Variants in TGIF2 observed in about 807,000 individuals in gnomAD.
TGIF2 encodes homeobox protein TGIF2.
In TGIF2, 5 loss-of-function variants were observed where a neutral mutation model predicts 15.1. That is an observed-to-expected ratio of 0.33 (90% confidence interval 0.17 to 0.70). The LOEUF is 0.70. TGIF2 is among the 30% of genes least tolerant of loss of function. The pLI is 0.67. For missense variants in TGIF2, 264 were observed against 302.5 expected (o/e 0.87, Z 0.94); for synonymous variants, 131 against 128.9 (o/e 1.02, Z -0.11).
intron 2 of TGIF2, among the ~76,000 whole-genome samples, chr20:36,579,337 A>C (rs2038497687): frequency 6.6e-6 from 1 of 151,454 alleles, no homozygotes; most frequent in African/African-American, 2.4e-5. Flanking sequence ...ACGCCCAGCT[A>C]ATTTTTTGTA....
At chr20:36,585,997 G>A (rs1369745975) in intron 2 of TGIF2, among the ~76,000 whole-genome samples, 2 of 152,186 alleles carry the variant, frequency 1.3e-5, no homozygotes, top group East Asian at 1.9e-4. Flanking sequence ...CAGTCCCCCT[G>A]GCGAGGGCTG....
chr20:36,591,011 T>G lies in TGIF2; in HGVS notation c.294T>G (p.Gly98=), dbSNP rs774908278. The G allele has an allele frequency of 6.3e-7, 1 of 1,594,174 alleles. No homozygotes were observed. ...AGTTTACCATTTCCCGCCGCGGGGG[T>G]AAGGCCTCAGATGTGGCCCTCCCCC... ...PNQFTISRRG[G]KASDVALPRG... The change falls in exon 3 of 3, where the codon GGT becomes GGG. Residue 98 remains glycine, a synonymous_variant. Transcript: ENST00000373872. This position sits in a 1 kb window ranked among gnomAD's most constrained non-coding sequence, Gnocchi z 5.3.
intron 2 of TGIF2, 117 bp from the exon 3 acceptor site, chr20:36,590,793 A>T: frequency 8.6e-7 from 1 of 1,168,224 alleles, no homozygotes; most frequent in Non-Finnish European, 1.2e-6. Flanking sequence ...TCCTGGGCTT[A>T]AGCAATCCTC....
chr20:36,586,076 G>GC (rs1298107511), intron 2 of TGIF2, among the ~76,000 whole-genome samples: 2 of 152,182 alleles, frequency 1.3e-5, no homozygotes, highest in African/African-American at 4.8e-5. Flanking sequence ...TCCTGGCCTA[G>GC]CCCCCAGGGC....
intron 2 of TGIF2, among the ~76,000 whole-genome samples, chr20:36,579,987 A>G (rs765615741): frequency 4.6e-5 from 7 of 152,178 alleles, no homozygotes; most frequent in Non-Finnish European, 8.8e-5. Context: ...ACCCTGAACC[A>G]CCATTGCTTT....
chr20:36,584,760 T>A (rs1264248543), intron 2 of TGIF2, among the ~76,000 whole-genome samples: 1 of 152,108 alleles, frequency 6.6e-6, no homozygotes, highest in Non-Finnish European at 1.5e-5. Context: ...TTGGCCAGGC[T>A]GGTCTCGAAC....
At chr20:36,586,237 A>T (rs1403220306) in intron 2 of TGIF2, among the ~76,000 whole-genome samples, 12 of 152,162 alleles carry the variant, frequency 7.9e-5, no homozygotes, top group Non-Finnish European at 1.6e-4. Context: ...GGCTTAAATA[A>T]AGGGCTTGGC....
intron 1 of TGIF2, among the ~76,000 whole-genome samples, 193 bp downstream of exon 1, chr20:36,573,938 C>T (rs1406824905): frequency 1.3e-5 from 2 of 151,826 alleles, no homozygotes; most frequent in African/African-American, 4.8e-5. Flanking sequence ...GCGCTGCGCT[C>T]CGGGGGCCGG....
chr20:36,574,439 T>TGGGGGGGGGGGGGGGGG (rs1237948383), intron 1 of TGIF2: 2 of 7,982 alleles, frequency 2.5e-4, no homozygotes. Flanking sequence ...GGCGCAGGGC[T>TGGGGGGGGGGGGGGGGG]GGGGGGGGGG....
chr20:36,591,520 T>A lies in TGIF2; in HGVS notation c.*89T>A. On this transcript the variant is annotated 3_prime_UTR_variant, in exon 3 of 3. Coordinates refer to ENST00000373872, the MANE Select transcript of TGIF2 (RefSeq NM_021809.7). The surrounding 1 kb of genome is among the most constrained non-coding windows in gnomAD (Gnocchi z 5.3). ...TTTCATACAGAGGGTTTTCTATGGA[T>A]CACTGCCAAACATTGGGATCATCTC... is the stretch of plus-strand genomic sequence containing the variant. 7.2e-7 allele frequency: 1 copy of A among 1,387,432 alleles called. No homozygotes were observed. Among genetic ancestry groups the A allele is most frequent in the Non-Finnish European group, 9.8e-7 (1 of 1,017,812 alleles). 85.9% of individuals were successfully genotyped at this position (1,387,432 alleles called of 1,614,324 possible). A position where few individuals can be genotyped will look rare whatever the true frequency, so the allele number is the denominator to read the frequency against.
intron 2 of TGIF2, among the ~76,000 whole-genome samples, chr20:36,581,879 T>G (rs2038552929): frequency 6.6e-6 from 1 of 152,112 alleles, no homozygotes. Context: ...TCCGTCCACC[T>G]CAGCCTCCCA....
At chr20:36,582,893 A>G (rs1186406961) in intron 2 of TGIF2, among the ~76,000 whole-genome samples, 3 of 152,072 alleles carry the variant, frequency 2.0e-5, no homozygotes, top group Non-Finnish European at 4.4e-5. Flanking sequence ...CTGTACAAAT[A>G]CCCCTTAAAT....
intron 1 of TGIF2, among the ~76,000 whole-genome samples, chr20:36,575,603 T>G (rs568606955): frequency 6.6e-6 from 1 of 152,288 alleles, no homozygotes; most frequent in Admixed American, 6.5e-5. Flanking sequence ...CCAGGTGGCC[T>G]GACTGAAAGG....
chr20:36,591,159 C>T lies in TGIF2; in HGVS notation c.442C>T (p.Arg148Cys), dbSNP rs756450924. 1.4e-5 allele frequency: 22 copies of T among 1,614,018 alleles called. No homozygotes were observed. Among genetic ancestry groups the T allele is most frequent in the Admixed American group, 6.7e-5 (4 of 60,006 alleles). Reference protein sequence around the residue: ...QGEKPAAPFPRGELESPKPLV... With the variant: ...QGEKPAAPFPCGELESPKPLV... ...GGAAAAGCCAGCAGCCCCTTTCCCA[C>T]GTGGGGAGCTGGAGTCTCCCAAGCC... Residue 148 changes from arginine (R) to cysteine (C), a missense_variant, in exon 3 of 3, where the codon CGT becomes TGT. Arg to Cys is a radical substitution (Grantham distance 180, BLOSUM62 -3). Coordinates refer to ENST00000373872, the MANE Select transcript of TGIF2 (RefSeq NM_021809.7). This position sits in a 1 kb window ranked among gnomAD's most constrained non-coding sequence, Gnocchi z 5.3.
intron 1 of TGIF2, among the ~76,000 whole-genome samples, chr20:36,577,403 GT>G (rs1600768197): frequency 6.7e-6 from 1 of 150,318 alleles, no homozygotes. Context: ...TAGAGACGGG[GT>G]TTTGCCATGT....
intron 2 of TGIF2, among the ~76,000 whole-genome samples, chr20:36,580,299 A>G (rs917024144): frequency 5.9e-5 from 9 of 152,068 alleles, no homozygotes; most frequent in African/African-American, 2.2e-4. Context: ...CTGTCACCTG[A>G]CTTTATACTC....
At chr20:36,588,415 G>A (rs2038704683) in intron 2 of TGIF2, among the ~76,000 whole-genome samples, 1 of 138,546 alleles carries the variant, frequency 7.2e-6, no homozygotes. Context: ...GCGCAGGCTG[G>A]AGTGCAGTGG....
chr20:36,585,955 C>G (rs1192656293), intron 2 of TGIF2, among the ~76,000 whole-genome samples: 1 of 152,198 alleles, frequency 6.6e-6, no homozygotes, highest in East Asian at 1.9e-4. Flanking sequence ...CTGAGGGAAG[C>G]CTTCCCAAAG....
rs1186139732 is a variant in TGIF2, at chr20:36,592,037, A to G, written c.*606A>G. ...CGTTCTGGTGAGCTGGGAAGGACCC[A>G]CCACTGCCACTGAGGATTGTTTTGG... is the stretch of plus-strand genomic sequence containing the variant. On this transcript the variant is annotated 3_prime_UTR_variant, in exon 3 of 3. Coordinates refer to ENST00000373872, the MANE Select transcript of TGIF2 (RefSeq NM_021809.7). The G allele has an allele frequency of 6.6e-6, 1 of 152,584 alleles. No individual in the cohort carries two copies. The highest frequency in any genetic ancestry group is 1.9e-4 in the East Asian group (1 of 5,192). 9.5% of individuals were successfully genotyped at this position (152,584 alleles called of 1,614,324 possible).
Sources: allele counts gnomAD v4.1 joint callset (sites outside exome capture counted in the v4.1 genomes callset), GRCh38; gene constraint gnomAD v4.1.1; non-coding constraint Gnocchi (gnomAD v3.1); transcripts MANE v1.5; gene names NCBI Gene and HGNC (gene_info 2026-07-23, HGNC 2026-07-21).